The following HSD17B3 variants were observed in gnomAD, a reference collection of about 807,000 sequenced individuals.
The protein encoded by HSD17B3 is hydroxysteroid 17-beta dehydrogenase 3, also known as 17-beta-hydroxysteroid dehydrogenase type 3.
In HSD17B3, 29 loss-of-function variants were observed where a neutral mutation model predicts 41.1. The ratio of observed to expected loss-of-function variants is 0.71; its 90% CI spans 0.53 to 0.96. The LOEUF is 0.96. HSD17B3 is among the 40% of genes least tolerant of loss of function. HSD17B3 has a pLI of 0.00. For synonymous variants in HSD17B3, 126 were observed against 145.6 expected (o/e 0.87, Z 0.97); for missense variants, 323 against 374.6 (o/e 0.86, Z 1.14).
chr9:96,239,786 G>A (rs1304037338), intron 10 of HSD17B3: 1 of 152,162 alleles, frequency 6.6e-6, no homozygotes, highest in Admixed American at 6.5e-5. Flanking sequence ...CCAATGTTAT[G>A]TTTGCTTCAG....
rs748787561 is a variant in HSD17B3 at position 96,240,831 on chromosome 9, T to G, written c.749A>C (p.Glu250Ala). The change falls in exon 10 of 11, where the codon GAG becomes GCG. Residue 250 changes from glutamate to alanine, a missense_variant. By Grantham distance (107) the Glu-to-Ala change is moderately radical. Coordinates refer to ENST00000375263, the MANE Select transcript of HSD17B3 (RefSeq NM_000197.2). ...ATAATTCAATGACTCTTTGACAAACTCATCAGCAGTCTTGGTTATCACATT... is the reference window on the plus strand; with the variant it reads ...ATAATTCAATGACTCTTTGACAAACGCATCAGCAGTCTTGGTTATCACATT... ...NTNVITKTAD[E>A]FVKESLNYVT... is the part of the protein sequence containing the mutation. 1.5e-5 allele frequency: 25 copies of G among 1,614,130 alleles called. 1 individual carries two copies. The South Asian group carries it at 2.2e-4, about 14-fold the overall frequency.
Position 96,270,390 on chromosome 9 carries a change from G to A in HSD17B3, c.202-15447C>T, listed in dbSNP as rs566903306. On this transcript the variant is annotated intron_variant, in intron 2 of 10. Coordinates refer to ENST00000375263, the MANE Select transcript of HSD17B3 (RefSeq NM_000197.2). ...GCAGGGTTGAAGTCAAGTAGCACAA[G>A]AACAAAGGAACAAATCTAGAGGAAC... 6.6e-5 allele frequency among the ~76,000 whole-genome samples: 10 copies of A among 152,240 alleles called. No homozygotes were observed. In the South Asian group the frequency reaches 1.9e-3, roughly 28 times the overall value.
At chr9:96,278,981 G>C (rs80098014) in intron 2 of HSD17B3, among the ~76,000 whole-genome samples, 1 of 152,064 alleles carries the variant, frequency 6.6e-6, no homozygotes, top group Non-Finnish European at 1.5e-5. Context: ...GCTCATCCCC[G>C]GTAGATAAAA....
At chr9:96,270,265 CACACAG>C (rs984294938) in intron 2 of HSD17B3, among the ~76,000 whole-genome samples, 4 of 151,070 alleles carry the variant, frequency 2.6e-5, no homozygotes, top group South Asian at 2.1e-4. Flanking sequence ...CACACACACA[CACACAG>C]AGAGAGAGAG....
chr9:96,290,119 GTATGGAAGAGTGGGCC>G (rs1313733030), intron 2 of HSD17B3, among the ~76,000 whole-genome samples: 1 of 152,050 alleles, frequency 6.6e-6, no homozygotes, highest in Non-Finnish European at 1.5e-5. Flanking sequence ...GGCTTCAGAG[GTATGGAAGAGTGGGCC>G]CACTCTCTTC....
At chr9:96,277,254 A>G (rs1201578451) in intron 2 of HSD17B3, among the ~76,000 whole-genome samples, 2 of 152,134 alleles carry the variant, frequency 1.3e-5, no homozygotes, top group South Asian at 4.1e-4. Context: ...GCAGCAAAGG[A>G]AACAATCAAC....
rs1193788138 is a variant in HSD17B3 at position 96,235,573 on chromosome 9, T to C, written c.823-3A>G. ...GGGATCAGGCTCAGAAAGCCCGCCT[T>C]AAACAGAGAGAAGCATCAGTGTTGG... On this transcript the variant is annotated splice_region_variant and splice_polypyrimidine_tract_variant and intron_variant, in intron 10 of 10. Transcript: ENST00000375263. 6.2e-7 allele frequency: 1 copy of C among 1,612,254 alleles called. No homozygotes were observed. The highest frequency in any genetic ancestry group is 2.2e-5 in the East Asian group (1 of 44,870).
chr9:96,252,619 T>C (rs1021563421), intron 4 of HSD17B3, among the ~76,000 whole-genome samples, 184 bp downstream of exon 4: 2 of 151,704 alleles, frequency 1.3e-5, no homozygotes, highest in Non-Finnish European at 2.9e-5. Context: ...AACCAATATA[T>C]AAATTTTTTT....
intron 3 of HSD17B3, among the ~76,000 whole-genome samples, chr9:96,253,338 C>G (rs1187496278): frequency 6.6e-6 from 1 of 152,128 alleles, no homozygotes; most frequent in Non-Finnish European, 1.5e-5. Flanking sequence ...GTTCGAGACC[C>G]CAGACTGACA....
At chr9:96,244,047 G>T (rs1215122387) in intron 9 of HSD17B3, among the ~76,000 whole-genome samples, 1 of 152,160 alleles carries the variant, frequency 6.6e-6, no homozygotes. Flanking sequence ...TAGCAAGAAG[G>T]TCCACAGCAT....
intron 8 of HSD17B3, 122 bp downstream of exon 8, chr9:96,245,223 G>T: frequency 1.2e-6 from 1 of 818,904 alleles, no homozygotes; most frequent in Non-Finnish European, 2.2e-6. Flanking sequence ...GCTCAGCCCT[G>T]CACATAAGAG....
At chr9:96,285,493 C>T (rs559670903) in intron 2 of HSD17B3, among the ~76,000 whole-genome samples, 1 of 152,276 alleles carries the variant, frequency 6.6e-6, no homozygotes, top group East Asian at 1.9e-4. Context: ...CTAGCAACCC[C>T]GTATCAGCTT....
intron 2 of HSD17B3, among the ~76,000 whole-genome samples, chr9:96,297,121 G>C (rs1333494207): frequency 1.3e-5 from 2 of 151,410 alleles, no homozygotes; most frequent in African/African-American, 2.4e-5. Context: ...TCTGGGATTT[G>C]AGATAAATTT....
At chr9:96,270,115 C>T (rs1327014549) in intron 2 of HSD17B3, among the ~76,000 whole-genome samples, 1 of 152,052 alleles carries the variant, frequency 6.6e-6, no homozygotes. Context: ...GGCATACAGG[C>T]AGCTTCAAGG....
chr9:96,275,109 C>T (rs1826399715), intron 2 of HSD17B3, among the ~76,000 whole-genome samples: 2 of 151,850 alleles, frequency 1.3e-5, no homozygotes, highest in African/African-American at 2.4e-5. Context: ...AAAAAGCTGT[C>T]GACCAAGAAT....
intron 1 of HSD17B3, among the ~76,000 whole-genome samples, chr9:96,300,607 T>TTGTGTG (rs10545828): frequency 0.022 from 2,441 of 109,858 alleles, 225 homozygotes; most frequent in African/African-American, 0.066. Context: ...ATTGGATTCT[T>TTGTGTG]TGTGTGTGTG....
At chr9:96,270,585 G>T (rs888185495) in intron 2 of HSD17B3, among the ~76,000 whole-genome samples, 1 of 152,240 alleles carries the variant, frequency 6.6e-6, no homozygotes, top group African/African-American at 2.4e-5. Flanking sequence ...ATAGGGCAAG[G>T]CAGTTATTTT....
At chr9:96,260,497 T>G (rs1825817716) in intron 2 of HSD17B3, among the ~76,000 whole-genome samples, 1 of 152,200 alleles carries the variant, frequency 6.6e-6, no homozygotes. Context: ...AGAGACTTAG[T>G]TTATAATTTA....
chr9:96,241,961 A>AAAG (rs1836458611), intron 9 of HSD17B3, among the ~76,000 whole-genome samples: 1 of 100,696 alleles, frequency 9.9e-6, no homozygotes, highest in African/African-American at 4.2e-5. Context: ...AAAGAACAGA[A>AAAG]AAAGAAAGAA....
Sources: gnomAD v4.1 joint callset for allele counts (sites outside exome capture counted in the v4.1 genomes callset) on GRCh38, gnomAD v4.1.1 for gene constraint, MANE v1.5 for transcripts, NCBI Gene and HGNC (gene_info 2026-07-23, HGNC 2026-07-21) for gene names.